GPM6A: variants seen among roughly 807,000 people sequenced by gnomAD.
GPM6A encodes the protein neuronal membrane glycoprotein M6-a.
GPM6A carries 7 observed loss-of-function variants against 32.1 expected under a neutral mutation model. The ratio of observed to expected loss-of-function variants is 0.22; its 90% CI spans 0.12 to 0.41. GPM6A has a LOEUF of 0.41. Among genes scored for constraint, GPM6A ranks in the 10% least tolerant of loss-of-function variants. The probability of loss-of-function intolerance (pLI) is 1.00; values close to 1 mark genes in which losing one functional copy is unlikely to be tolerated. For synonymous variants in GPM6A, 130 were observed against 123.4 expected, an observed-to-expected ratio of 1.05 and a Z score of -0.35; for missense variants, 235 against 347.2, an observed-to-expected ratio of 0.68 and a Z score of 2.57.
At chr4:175,774,789 T>C (rs1733327334) in intron 1 of GPM6A, among the ~76,000 whole-genome samples, 1 of 152,098 alleles carries the variant, frequency 6.6e-6, no homozygotes, top group African/African-American at 2.4e-5. Context: ...AGGACATTTT[T>C]CCTGGGAAAG....
Position 175,801,428 on chromosome 4 carries a change from G to A in GPM6A, c.37+10763C>T, listed in dbSNP as rs577924526. The stretch of plus-strand genomic sequence containing the variant: ...AAGTGTTTAATATTGGTAATTTGAC[G>A]TGGTTCAAACTAATATATCTATAAT... On this transcript the variant is annotated intron_variant, in intron 1 of 6. Coordinates refer to ENST00000393658, the MANE Select transcript of GPM6A (RefSeq NM_201591.3). Among the ~76,000 whole-genome samples, 12 of 152,024 alleles carry A rather than the reference G, an allele frequency of 7.9e-5. No homozygotes were observed. In the East Asian group the frequency reaches 1.7e-3, roughly 22 times the overall value.
At chr4:175,939,049 A>G (rs1012027163) in intron 1 of GPM6A, among the ~76,000 whole-genome samples, 2 of 152,180 alleles carry the variant, frequency 1.3e-5, no homozygotes, top group African/African-American at 4.8e-5. Context: ...AATATAAATA[A>G]ACAAAAAAGG....
chr4:175,800,268 A>G (rs78640136), intron 1 of GPM6A, among the ~76,000 whole-genome samples: 7,012 of 152,250 alleles, frequency 0.046, 229 homozygotes, highest in East Asian at 0.1. Context: ...AATATAAAAA[A>G]CCCAAAATTA....
intron 1 of GPM6A, among the ~76,000 whole-genome samples, chr4:175,848,411 C>T (rs1457972921): frequency 6.6e-6 from 1 of 152,074 alleles, no homozygotes; most frequent in African/African-American, 2.4e-5. Flanking sequence ...CTAGAGTTTC[C>T]TTTTTATTTT....
chr4:175,863,906 C>T lies in GPM6A; in HGVS notation c.-22-51657G>A, dbSNP rs375555325. On this transcript the variant is annotated intron_variant, in intron 1 of 7. Transcript: ENST00000280187. ...ATCCCACCTATTGGGGAGGCTGAGG[C>T]GGGAGGATCCCTTGAGTCCAGGAAT... Among the ~76,000 whole-genome samples, 7 of 151,962 alleles carry T rather than the reference C, an allele frequency of 4.6e-5. No homozygotes were observed. The East Asian group carries it at 7.8e-4, about 17-fold the overall frequency.
chr4:175,947,908 C>T (rs560843847), intron 1 of GPM6A, among the ~76,000 whole-genome samples: 1 of 152,058 alleles, frequency 6.6e-6, no homozygotes, highest in Non-Finnish European at 1.5e-5. Flanking sequence ...ACAGTAGGCA[C>T]TTGATAATTA....
At chr4:175,908,338 C>A (rs1203196217) in intron 1 of GPM6A, among the ~76,000 whole-genome samples, 1 of 152,090 alleles carries the variant, frequency 6.6e-6, no homozygotes, top group Non-Finnish European at 1.5e-5. Flanking sequence ...ACTTATCTGA[C>A]CTTGAACATG....
At chr4:175,827,107 T>C (rs1393262149) in intron 1 of GPM6A, among the ~76,000 whole-genome samples, 4 of 152,092 alleles carry the variant, frequency 2.6e-5, no homozygotes, top group Non-Finnish European at 5.9e-5. Context: ...ACGAGGAAAA[T>C]GGGGCTTCAG....
chr4:175,833,516 G>A (rs116399750), intron 1 of GPM6A, among the ~76,000 whole-genome samples: 1,530 of 152,130 alleles, frequency 0.01, 14 homozygotes, highest in Non-Finnish European at 0.015. Flanking sequence ...CTAGATAACA[G>A]GTAACTTCTT....
intron 1 of GPM6A, among the ~76,000 whole-genome samples, chr4:175,944,176 T>C (rs903759208): frequency 3.9e-5 from 6 of 152,182 alleles, no homozygotes; most frequent in African/African-American, 7.2e-5. Context: ...TAGCAGACAA[T>C]AATAGATTTA....
At chr4:175,914,698 G>A (rs2111514609) in intron 1 of GPM6A, among the ~76,000 whole-genome samples, 1 of 152,304 alleles carries the variant, frequency 6.6e-6, no homozygotes, top group South Asian at 2.1e-4. Context: ...GTCTTGTCTA[G>A]TGCCAGTGAA....
intron 4 of GPM6A, among the ~76,000 whole-genome samples, chr4:175,643,770 A>G (rs1467498590): frequency 6.6e-6 from 1 of 152,108 alleles, no homozygotes; most frequent in Non-Finnish European, 1.5e-5. Context: ...CAGCTTCTTG[A>G]TCTGAACTCA....
At chr4:175,736,410 G>A (rs1190470603) in intron 1 of GPM6A, among the ~76,000 whole-genome samples, 5 of 152,120 alleles carry the variant, frequency 3.3e-5, no homozygotes, top group Non-Finnish European at 7.4e-5. Context: ...GAGGATCTAT[G>A]CCACCTGTTT....
intron 1 of GPM6A, among the ~76,000 whole-genome samples, chr4:175,831,428 A>G (rs1292284766): frequency 6.6e-6 from 1 of 152,218 alleles, no homozygotes; most frequent in African/African-American, 2.4e-5. Context: ...ATGCCTGACT[A>G]TAGACAGTAA....
intron 1 of GPM6A, among the ~76,000 whole-genome samples, chr4:175,726,347 T>G (rs1250857499): frequency 1.3e-5 from 2 of 152,202 alleles, no homozygotes; most frequent in Non-Finnish European, 2.9e-5. Flanking sequence ...AATCATTTAT[T>G]TATCTGAATC....
intron 1 of GPM6A, among the ~76,000 whole-genome samples, chr4:175,923,409 G>C (rs928946756): frequency 6.7e-6 from 1 of 149,896 alleles, no homozygotes; most frequent in Admixed American, 6.7e-5. Flanking sequence ...ACATTGAATA[G>C]TGAGAGGCAA....
chr4:175,790,046 C>A (rs138763335), intron 1 of GPM6A, among the ~76,000 whole-genome samples: 4 of 152,186 alleles, frequency 2.6e-5, no homozygotes, highest in African/African-American at 9.7e-5. Context: ...AACCGTATTT[C>A]GTAATCATCT....
intron 1 of GPM6A, among the ~76,000 whole-genome samples, chr4:175,769,043 C>T (rs1241467972): frequency 1.3e-5 from 2 of 151,600 alleles, no homozygotes; most frequent in African/African-American, 2.4e-5. Context: ...TGCAGAGAGC[C>T]GAGATTCTAC....
At chr4:175,795,795 G>A (rs919036085) in intron 1 of GPM6A, 1 of 152,100 alleles carries the variant, frequency 6.6e-6, no homozygotes, top group Non-Finnish European at 1.5e-5. Flanking sequence ...AAGTACCGTG[G>A]CTTCCAACTT....
Sources: allele counts gnomAD v4.1 joint callset (sites outside exome capture counted in the v4.1 genomes callset), GRCh38; gene constraint gnomAD v4.1.1; transcripts MANE v1.5; gene names NCBI Gene and HGNC (gene_info 2026-07-23, HGNC 2026-07-21).